Variants in LPCAT3 observed in about 807,000 individuals in gnomAD.
LPCAT3 encodes lysophosphatidylcholine acyltransferase 3.
A neutral mutation model predicts 63.4 loss-of-function variants in LPCAT3; 21 were observed. That is an observed-to-expected ratio of 0.33 (90% CI 0.23 to 0.48). LPCAT3 has a LOEUF of 0.48. LPCAT3 is among the 20% of genes least tolerant of loss of function. LPCAT3 has a pLI of 0.99. For missense variants in LPCAT3, 451 were observed against 590.6 expected (o/e 0.76, Z 2.45); for synonymous variants, 242 against 227.5 (o/e 1.06, Z -0.58).
chr12:7,000,570 AGAGT>A (rs1462438575), intron 1 of LPCAT3, among the ~76,000 whole-genome samples: 1 of 131,724 alleles, frequency 7.6e-6, no homozygotes, highest in African/African-American at 2.9e-5. Context: ...CCTGGGAGAC[AGAGT>A]GAGACTCAGT....
At position 6,981,144 on chromosome 12, in the gene LPCAT3, A is replaced by G; in HGVS notation, c.537T>C (p.Arg179=). The change falls in exon 6 of 13, where the codon CGT becomes CGC. Residue 179 remains arginine (R), a synonymous_variant. Transcript: ENST00000261407. Reference sequence around the variant, plus strand: ...CAACTTCCAGCAGGGAAGGAACACCACGTATGGCATATTTCTGTTGCTCAG... The same window carrying G: ...CAACTTCCAGCAGGGAAGGAACACCGCGTATGGCATATTTCTGTTGCTCAG... ...LSSEQQKYAI[R]GVPSLLEVAG... 1 of 1,613,406 alleles carries G rather than the reference A, an allele frequency of 6.2e-7. No homozygotes were observed. Among genetic ancestry groups the G allele is most frequent in the Non-Finnish European group, 8.5e-7 (1 of 1,179,788 alleles).
chr12:7,005,145 T>C (rs1946717481), intron 1 of LPCAT3, among the ~76,000 whole-genome samples: 1 of 152,230 alleles, frequency 6.6e-6, no homozygotes, highest in Admixed American at 6.5e-5. Flanking sequence ...TTTCTGTCTT[T>C]ACGAATTAGC....
chr12:6,979,615 A>G (rs1555153804), intron 6 of LPCAT3, 36 bp from the exon 7 acceptor site: 8 of 1,403,720 alleles, frequency 5.7e-6, no homozygotes, highest in Admixed American at 1.7e-5. Flanking sequence ...GGTCACAGAG[A>G]GCAGAGACTA....
chr12:6,996,899 A>G (rs782272212), intron 1 of LPCAT3, among the ~76,000 whole-genome samples: 7 of 152,184 alleles, frequency 4.6e-5, no homozygotes, highest in Non-Finnish European at 8.8e-5. Flanking sequence ...GGTAGGAAGG[A>G]GCATGGGGCA....
At chr12:6,979,732 A>G in intron 6 of LPCAT3, 153 bp from the exon 7 acceptor site, 1 of 622,314 alleles carries the variant, frequency 1.6e-6, no homozygotes, top group East Asian at 2.7e-5. Context: ...TTCCTGTTTC[A>G]GGGAAAGATT....
intron 1 of LPCAT3, among the ~76,000 whole-genome samples, chr12:6,999,779 G>C (rs782442399): frequency 6.6e-6 from 1 of 152,244 alleles, no homozygotes; most frequent in East Asian, 1.9e-4. Flanking sequence ...CCTGTACTCA[G>C]GGAATTTTAT....
At chr12:7,008,288 T>G (rs1946740360) in intron 1 of LPCAT3, among the ~76,000 whole-genome samples, 1 of 152,090 alleles carries the variant, frequency 6.6e-6, no homozygotes, top group African/African-American at 2.4e-5. Flanking sequence ...TGTTTCACCA[T>G]AAGAACTCCA....
chr12:7,018,335 CTTG>C lies in LPCAT3; in HGVS notation c.87_89del (p.Asn29del), dbSNP rs782473629. 4.3e-6 allele frequency: 7 copies of C among 1,611,660 alleles called. No homozygotes were observed. The highest frequency in any genetic ancestry group is 5.1e-6 in the Non-Finnish European group (6 of 1,179,134). On this transcript the variant is annotated inframe_deletion, in exon 1 of 13. Coordinates refer to ENST00000261407, the MANE Select transcript of LPCAT3 (RefSeq NM_005768.6). The surrounding 1 kb of genome is among the most constrained non-coding windows in gnomAD (Gnocchi z 4.9). ...CTGACGCGCCCAGGGACGTCGCCAA[CTTG>C]TTAAGGCTCAGCTCCTGGAAACCCG...
intron 1 of LPCAT3, among the ~76,000 whole-genome samples, chr12:7,009,734 A>C (rs1946749265): frequency 1.3e-5 from 2 of 152,236 alleles, no homozygotes; most frequent in South Asian, 4.1e-4. Context: ...ACAACATCCC[A>C]ATGAGCAACA....
chr12:6,992,266 G>C (rs932783718), intron 1 of LPCAT3, among the ~76,000 whole-genome samples: 2 of 151,906 alleles, frequency 1.3e-5, no homozygotes, highest in African/African-American at 4.8e-5. Context: ...CCAGGAAGTT[G>C]AGGCGGCAGT....
At chr12:6,982,833 T>A in intron 2 of LPCAT3, 51 bp from the exon 3 acceptor site, 1 of 1,211,626 alleles carries the variant, frequency 8.3e-7, no homozygotes. Context: ...CCCACCGTCC[T>A]GAGACTTCCA....
intron 1 of LPCAT3, chr12:6,997,091 C>T (rs781943171): frequency 8.5e-5 from 13 of 152,336 alleles, no homozygotes; most frequent in African/African-American, 2.9e-4. Context: ...TAATGGTCTT[C>T]AGGTCTTCAA....
chr12:6,998,839 G>A (rs1041864894), intron 1 of LPCAT3, among the ~76,000 whole-genome samples: 7 of 152,220 alleles, frequency 4.6e-5, no homozygotes, highest in African/African-American at 2.4e-5. Flanking sequence ...ACTTAGAACT[G>A]AAGAATTACC....
intron 6 of LPCAT3, 103 bp from the exon 7 acceptor site, chr12:6,979,682 C>A: frequency 1.3e-6 from 1 of 778,658 alleles, no homozygotes; most frequent in Non-Finnish European, 2.2e-6. Context: ...GTGTGGTTGT[C>A]TACCTGGAAT....
At chr12:6,997,554 C>CA (rs1946648491) in intron 1 of LPCAT3, 1 of 154,348 alleles carries the variant, frequency 6.5e-6, no homozygotes, top group Non-Finnish European at 1.4e-5. Context: ...GATGGGATTA[C>CA]AACTGTGTGT....
chr12:6,998,336 C>T (rs930407751), intron 1 of LPCAT3, among the ~76,000 whole-genome samples: 2 of 152,320 alleles, frequency 1.3e-5, no homozygotes, highest in East Asian at 3.9e-4. Flanking sequence ...TTTCTAATGC[C>T]TATTGAAGGT....
intron 1 of LPCAT3, among the ~76,000 whole-genome samples, chr12:6,994,820 C>T (rs758396549): frequency 6.6e-6 from 1 of 152,152 alleles, no homozygotes; most frequent in Non-Finnish European, 1.5e-5. Flanking sequence ...TTGAATAGAC[C>T]CATCTTTCCG....
In LPCAT3 at chr12:7,018,055, T is replaced by C. The variant is rs1591560875; in HGVS notation, c.151+219A>G. Among the ~76,000 whole-genome samples, 1 of 151,170 alleles carries C rather than the reference T, an allele frequency of 6.6e-6. No homozygotes were observed. The highest frequency in any genetic ancestry group is 2.4e-5 in the African/African-American group (1 of 41,074). ...GAGAGGCCAGAGGGCATGGCAGGGG[T>C]TGAAGAGAAAGATGAAGAGGTTCAG... On this transcript the variant is annotated intron_variant, in intron 1 of 12. Transcript: ENST00000261407. This position sits in a 1 kb window ranked among gnomAD's most constrained non-coding sequence, Gnocchi z 4.9.
In LPCAT3 at chr12:6,983,638, A is replaced by G. The variant is rs190778733; in HGVS notation, c.152-99T>C. 109 of 723,618 alleles carry G rather than the reference A, an allele frequency of 1.5e-4. 2 individuals carry two copies. In the East Asian group the frequency reaches 2.9e-3, roughly 19 times the overall value. 44.8% of individuals were successfully genotyped at this position (723,618 alleles called of 1,614,324 possible). A position where few individuals can be genotyped will look rare whatever the true frequency, so the allele number is the denominator to read the frequency against. ...GGCATGAAACGCAGCCCAGAGGGAGAGAGAAAAAAAAAACAACATACATTA... is the reference window on the plus strand; with the variant it reads ...GGCATGAAACGCAGCCCAGAGGGAGGGAGAAAAAAAAAACAACATACATTA... On this transcript the variant is annotated intron_variant, in intron 1 of 12. Coordinates refer to ENST00000261407, the MANE Select transcript of LPCAT3 (RefSeq NM_005768.6).
Sources: allele counts gnomAD v4.1 joint callset (sites outside exome capture counted in the v4.1 genomes callset), GRCh38; gene constraint gnomAD v4.1.1; non-coding constraint Gnocchi (gnomAD v3.1); transcripts MANE v1.5; gene names NCBI Gene and HGNC (gene_info 2026-07-23, HGNC 2026-07-21).